NDUFAF6: variants seen among roughly 807,000 people sequenced by gnomAD.
NDUFAF6 encodes the protein NADH dehydrogenase (ubiquinone) complex I, assembly factor 6.
Under a neutral mutation model 40.8 loss-of-function variants are expected in NDUFAF6, and 45 were observed. That is an observed-to-expected ratio of 1.10 (90% CI 0.87 to 1.42). The LOEUF (loss-of-function observed/expected upper bound fraction) is 1.42, where lower values mean the gene tolerates loss of function less well. NDUFAF6 is among the 40% of genes most tolerant of loss of function. The pLI is 0.00. For missense variants in NDUFAF6, 435 were observed against 418.5 expected, an observed-to-expected ratio of 1.04 and a Z score of -0.34; for synonymous variants, 185 against 155.9, an observed-to-expected ratio of 1.19 and a Z score of -1.39.
downstream of NDUFAF6, among the ~76,000 whole-genome samples, chr8:95,060,273 T>G (rs1832539865): frequency 6.6e-6 from 1 of 152,216 alleles, no homozygotes; most frequent in African/African-American, 2.4e-5. Flanking sequence ...CTTTTTGATT[T>G]TTTCAAATCT....
intron 1 of NDUFAF6, among the ~76,000 whole-genome samples, chr8:94,966,824 C>T (rs1009258519): frequency 4.6e-5 from 7 of 152,098 alleles, no homozygotes; most frequent in African/African-American, 1.2e-4. Flanking sequence ...AGCGGGAAAG[C>T]GGAAGAGGCC....
intron 1 of NDUFAF6, among the ~76,000 whole-genome samples, chr8:94,904,325 T>C (rs1818244697): frequency 1.9e-5 from 1 of 51,334 alleles, no homozygotes; most frequent in Admixed American, 2.2e-4. Flanking sequence ...TTTTGCTTTT[T>C]TTTTTTTTTT....
chr8:95,032,550 T>C (rs984424563), intron 2 of NDUFAF6, among the ~76,000 whole-genome samples: 1 of 152,244 alleles, frequency 6.6e-6, no homozygotes, highest in Non-Finnish European at 1.5e-5. Context: ...AATTCACTTT[T>C]GTCTAAGAAT....
At chr8:95,006,231 G>A (rs1427512263) in intron 2 of NDUFAF6, among the ~76,000 whole-genome samples, 4 of 151,770 alleles carry the variant, frequency 2.6e-5, no homozygotes, top group East Asian at 1.9e-4. Context: ...GATGCTGGAC[G>A]CCTGTAATCC....
rs111482172 is a variant in NDUFAF6, at chr8:94,933,838, G to GC, written c.-935-11645_-935-11644insC. On this transcript the variant is annotated intron_variant, in intron 1 of 14. Transcript: ENST00000396113. The stretch of plus-strand genomic sequence containing the variant: ...GCCTGTAATCCCAGCACTTTGTGGG[G>GC]GGGGGGGGAGGATCACGAGGTCAGG... Among the ~76,000 whole-genome samples the GC allele has an allele frequency of 9.0e-4, 134 of 148,592 alleles. 11 individuals are homozygous for GC. The highest frequency in any genetic ancestry group is 3.0e-3 in the African/African-American group (121 of 40,176).
At chr8:94,991,522 G>T (rs1478121425) in intron 2 of NDUFAF6, among the ~76,000 whole-genome samples, 1 of 152,106 alleles carries the variant, frequency 6.6e-6, no homozygotes, top group East Asian at 1.9e-4. Flanking sequence ...CCTCAGATTT[G>T]CTATATGAAT....
At chr8:95,006,127 G>A (rs1239465674) in intron 2 of NDUFAF6, among the ~76,000 whole-genome samples, 1 of 152,068 alleles carries the variant, frequency 6.6e-6, no homozygotes, top group Non-Finnish European at 1.5e-5. Flanking sequence ...GGAGGCCGAG[G>A]TGGGCAGATC....
chr8:95,101,116 A>C (rs184922105), intron 1 of NDUFAF6: 1 of 152,178 alleles, frequency 6.6e-6, no homozygotes, highest in Non-Finnish European at 1.5e-5. Flanking sequence ...CCTGCAATAC[A>C]TTGTGTTCTT....
At chr8:94,905,069 G>A (rs1018271243) in intron 1 of NDUFAF6, among the ~76,000 whole-genome samples, 1 of 151,978 alleles carries the variant, frequency 6.6e-6, no homozygotes, top group Non-Finnish European at 1.5e-5. Flanking sequence ...GCCCGGTGGT[G>A]CATACCTGTA....
chr8:94,939,776 C>T, intron 1 of NDUFAF6: 1 of 1,541,028 alleles, frequency 6.5e-7, no homozygotes, highest in Non-Finnish European at 8.7e-7. Context: ...TTTGCATCTT[C>T]TAATAACTTA....
At chr8:94,961,129 C>G (rs976638117) in intron 1 of NDUFAF6, among the ~76,000 whole-genome samples, 1 of 152,188 alleles carries the variant, frequency 6.6e-6, no homozygotes, top group Non-Finnish European at 1.5e-5. Context: ...ATAAACCACT[C>G]GGTCCCAATT....
At chr8:95,036,499 G>A (rs1829523713) in intron 3 of NDUFAF6, 5 of 1,289,156 alleles carry the variant, frequency 3.9e-6, no homozygotes, top group Non-Finnish European at 2.0e-6. Flanking sequence ...GAAGCTGTGA[G>A]TATTAGATTA....
intron 1 of NDUFAF6, among the ~76,000 whole-genome samples, chr8:94,923,496 C>G (rs1364894792): frequency 1.3e-5 from 2 of 152,184 alleles, no homozygotes; most frequent in Non-Finnish European, 2.9e-5. Context: ...TTCTCATCCC[C>G]ACTAACCTAT....
chr8:94,993,462 G>C (rs1418881513), intron 2 of NDUFAF6, among the ~76,000 whole-genome samples: 1 of 152,222 alleles, frequency 6.6e-6, no homozygotes, highest in East Asian at 1.9e-4. Context: ...TTGACCAATA[G>C]AATGTGGCAG....
intron 2 of NDUFAF6, among the ~76,000 whole-genome samples, chr8:94,989,921 G>C (rs757802626): frequency 1.9e-4 from 29 of 152,204 alleles, no homozygotes; most frequent in Non-Finnish European, 3.8e-4. Flanking sequence ...GTAGAGATGG[G>C]CTCTCACTGT....
chr8:95,077,688 GA>G (rs1808678222), downstream of NDUFAF6, among the ~76,000 whole-genome samples: 1 of 152,186 alleles, frequency 6.6e-6, no homozygotes, highest in African/African-American at 2.4e-5. Context: ...ACCATGACAG[GA>G]GAAGCATAGA....
intron 2 of NDUFAF6, among the ~76,000 whole-genome samples, chr8:95,083,425 A>G (rs1273030685): frequency 1.3e-5 from 2 of 152,206 alleles, no homozygotes; most frequent in African/African-American, 4.8e-5. Context: ...AATGTGTTTA[A>G]TACTTCCTAA....
intron 1 of NDUFAF6, among the ~76,000 whole-genome samples, chr8:94,899,132 T>C (rs114577417): frequency 0.021 from 3,139 of 152,302 alleles, 36 homozygotes; most frequent in African/African-American, 0.032. Context: ...CTCCTGACCT[T>C]AAATCAACCG....
chr8:95,047,667 G>A lies in NDUFAF6; in HGVS notation c.714+540G>A, dbSNP rs1011976073. 4.6e-5 allele frequency among the ~76,000 whole-genome samples: 7 copies of A among 151,212 alleles called. No homozygotes were observed. In the East Asian group the frequency reaches 1.2e-3, roughly 25 times the overall value. ...TGGGACTACAGGCGCCCGCCACCAC[G>A]CCCAGCTAATTTTTTGTATTTTTAG... On this transcript the variant is annotated intron_variant, in intron 6 of 8. Transcript: ENST00000396124.
Sources: allele counts gnomAD v4.1 joint callset (sites outside exome capture counted in the v4.1 genomes callset), GRCh38; gene constraint gnomAD v4.1.1; transcripts MANE v1.5; gene names NCBI Gene and HGNC (gene_info 2026-07-23, HGNC 2026-07-21).